Variants in RPTOR observed in about 807,000 individuals in gnomAD.
RPTOR encodes regulatory associated protein of MTOR complex 1, also known as regulatory-associated protein of mTOR.
In RPTOR, 21 loss-of-function variants were observed where a neutral mutation model predicts 169.9. That is an observed-to-expected ratio of 0.12 (90% CI 0.09 to 0.18). The LOEUF (loss-of-function observed/expected upper bound fraction) is 0.18, where lower values mean the gene tolerates loss of function less well. Ranked by LOEUF, RPTOR falls within the 10% of genes least tolerant of loss-of-function variation. The pLI, the probability that RPTOR is intolerant of heterozygous loss-of-function variation, is 1.00. For missense variants in RPTOR, 1,133 were observed against 1,855.9 expected (o/e 0.61, Z 7.16); for synonymous variants, 732 against 753.2 (o/e 0.97, Z 0.46).
In RPTOR at chr17:80,730,777, G is replaced by T; in HGVS notation, c.654+71G>T. 8.9e-7 allele frequency: 1 copy of T among 1,123,222 alleles called. No homozygotes were observed. Among genetic ancestry groups the T allele is most frequent in the East Asian group, 2.9e-5 (1 of 34,166 alleles). 69.6% of individuals were successfully genotyped at this position (1,123,222 alleles called of 1,614,324 possible). On this transcript the variant is annotated intron_variant, in intron 5 of 33. Coordinates refer to ENST00000306801, the MANE Select transcript of RPTOR (RefSeq NM_020761.3). This position sits in a 1 kb window ranked among gnomAD's most constrained non-coding sequence, Gnocchi z 4.2. ...TTTCCCTGGGGGTGGGGTTTGGGTG[G>T]GGAGGTTGGGAGGTGTTGGACATCC...
intron 1 of RPTOR, among the ~76,000 whole-genome samples, chr17:80,607,323 T>TA (rs1271803215): frequency 6.6e-6 from 1 of 152,218 alleles, no homozygotes; most frequent in Non-Finnish European, 1.5e-5. Context: ...GAAGGTAGTT[T>TA]TGGATCTAAA....
At position 80,726,477 on chromosome 17, in the gene RPTOR, T is replaced by G. The variant is rs534896544; in HGVS notation, c.508-4083T>G. Among the ~76,000 whole-genome samples the G allele has an allele frequency of 5.3e-5, 8 of 152,350 alleles. No homozygotes were observed. In the East Asian group the frequency reaches 1.5e-3, roughly 29 times the overall value. On this transcript the variant is annotated intron_variant, in intron 4 of 33. Coordinates refer to ENST00000306801, the MANE Select transcript of RPTOR (RefSeq NM_020761.3). This position sits in a 1 kb window ranked among gnomAD's most constrained non-coding sequence, Gnocchi z 4.5. ...TTCCTGAACTTTGCATCTCAGAATTTAAAATGGAGATTTTGATTTTGATTT... is the reference window on the plus strand; with the variant it reads ...TTCCTGAACTTTGCATCTCAGAATTGAAAATGGAGATTTTGATTTTGATTT...
chr17:80,839,679 G>A (rs2067605984), intron 10 of RPTOR, among the ~76,000 whole-genome samples: 1 of 152,242 alleles, frequency 6.6e-6, no homozygotes, highest in Non-Finnish European at 1.5e-5. Context: ...TTTCCGAAGA[G>A]CTCTGGGCCT....
intron 6 of RPTOR, among the ~76,000 whole-genome samples, chr17:80,786,656 GT>G (rs2066995264): frequency 6.6e-6 from 1 of 152,192 alleles, no homozygotes; most frequent in African/African-American, 2.4e-5. Context: ...ACCGCAGGGG[GT>G]CTGCCTTGCT....
intron 1 of RPTOR, among the ~76,000 whole-genome samples, chr17:80,597,945 G>C (rs528001686): frequency 4.4e-4 from 67 of 152,214 alleles, no homozygotes; most frequent in Non-Finnish European, 2.1e-4. Flanking sequence ...TTCAAGACCA[G>C]CCTGGGCCAC....
intron 8 of RPTOR, 47 bp downstream of exon 8, chr17:80,822,348 G>A (rs1305776119): frequency 6.4e-7 from 1 of 1,568,734 alleles, no homozygotes; most frequent in Admixed American, 1.7e-5. Flanking sequence ...GGCCTTGAGT[G>A]CGCGGGGAGC....
chr17:80,590,441 G>C (rs2065095705), intron 1 of RPTOR, among the ~76,000 whole-genome samples: 1 of 148,758 alleles, frequency 6.7e-6, no homozygotes. Context: ...TGTCTTTAAT[G>C]GTTGAGCCGT....
chr17:80,569,953 C>T (rs1235674412), intron 1 of RPTOR, among the ~76,000 whole-genome samples: 2 of 152,160 alleles, frequency 1.3e-5, no homozygotes, highest in Admixed American at 1.3e-4. Flanking sequence ...CTTTGCCTGG[C>T]CTCCTGGAGT....
At chr17:80,760,397 G>A (rs1482460715) in intron 6 of RPTOR, among the ~76,000 whole-genome samples, 2 of 147,872 alleles carry the variant, frequency 1.4e-5, no homozygotes, top group South Asian at 4.2e-4. Context: ...CACCTCCTCG[G>A]TTCAAGCGAT....
At chr17:80,747,673 A>C (rs551936274) in intron 5 of RPTOR, among the ~76,000 whole-genome samples, 1 of 152,334 alleles carries the variant, frequency 6.6e-6, no homozygotes, top group East Asian at 1.9e-4. Context: ...GGCACGGCAG[A>C]TGCAAACCCA....
chr17:80,753,527 G>A (rs8069007), intron 5 of RPTOR, among the ~76,000 whole-genome samples: 62,579 of 149,346 alleles, frequency 0.42, 13,594 homozygotes, highest in Non-Finnish European at 0.48. Flanking sequence ...CAGCTACTCG[G>A]GAGGCTGAGG....
At chr17:80,941,547 C>G (rs1275092159) in intron 25 of RPTOR, among the ~76,000 whole-genome samples, 1 of 152,252 alleles carries the variant, frequency 6.6e-6, no homozygotes, top group Non-Finnish European at 1.5e-5. Flanking sequence ...CTCGCGGCCA[C>G]AGGCTCCCAC....
chr17:80,881,310 G>A (rs76022256), intron 14 of RPTOR, among the ~76,000 whole-genome samples: 3,554 of 152,332 alleles, frequency 0.023, 155 homozygotes, highest in African/African-American at 0.081. Context: ...GTGTTGTATT[G>A]AAACATCACA....
intron 28 of RPTOR, among the ~76,000 whole-genome samples, chr17:80,955,388 C>G (rs1270302430): frequency 2.0e-5 from 3 of 152,206 alleles, no homozygotes; most frequent in Non-Finnish European, 2.9e-5. Flanking sequence ...GAAAAGGATG[C>G]AGTGATACCC....
rs1047280660 is a variant in RPTOR, at chr17:80,595,003, A to T, written c.163-30688A>T. Reference sequence around the variant, plus strand: ...GCCTGAGAGTCAGAGAGAGAGAGGGAGAAAGAGAATGGGGGCTAAGGGGAA... The same window carrying T: ...GCCTGAGAGTCAGAGAGAGAGAGGGTGAAAGAGAATGGGGGCTAAGGGGAA... On this transcript the variant is annotated intron_variant, in intron 1 of 33. Coordinates refer to ENST00000306801, the MANE Select transcript of RPTOR (RefSeq NM_020761.3). Among the ~76,000 whole-genome samples the T allele has an allele frequency of 2.0e-5, 3 of 151,940 alleles. No homozygotes were observed. In the South Asian group the frequency reaches 6.2e-4, roughly 32 times the overall value.
intron 25 of RPTOR, among the ~76,000 whole-genome samples, 165 bp downstream of exon 25, chr17:80,940,766 A>G (rs2069015599): frequency 6.6e-6 from 1 of 152,170 alleles, no homozygotes; most frequent in African/African-American, 2.4e-5. Context: ...AGATAAGCAC[A>G]TCAAGGCTGG....
chr17:80,614,353 T>G (rs2065293240), intron 1 of RPTOR, among the ~76,000 whole-genome samples: 1 of 152,184 alleles, frequency 6.6e-6, no homozygotes, highest in African/African-American at 2.4e-5. Flanking sequence ...ATTTATTTTC[T>G]AAAGAAAAAA....
In RPTOR at chr17:80,596,501, G is replaced by T. The variant is rs552633815; in HGVS notation, c.163-29190G>T. Among the ~76,000 whole-genome samples, 92 of 152,176 alleles carry T rather than the reference G, an allele frequency of 6.0e-4. 2 individuals carry two copies. In the South Asian group the frequency reaches 0.018, roughly 30 times the overall value. On this transcript the variant is annotated intron_variant, in intron 1 of 33. Transcript: ENST00000306801. Reference sequence around the variant, plus strand: ...GTGGGCATAGGTTGGGGTGTGCAGGGTTTATGGCTAATTATAGGATCATAT... The same window carrying T: ...GTGGGCATAGGTTGGGGTGTGCAGGTTTTATGGCTAATTATAGGATCATAT...
Position 80,726,700 on chromosome 17 carries a change from G to A in RPTOR, c.508-3860G>A, listed in dbSNP as rs952220300. ...TGTGAGGTGGCTGTAGGGTCAGGTG[G>A]CTGTAGGGTCAGGGCTGGGCAAGTT... On this transcript the variant is annotated intron_variant, in intron 4 of 33. Transcript: ENST00000306801. This position sits in a 1 kb window ranked among gnomAD's most constrained non-coding sequence, Gnocchi z 4.5. 6.6e-6 allele frequency among the ~76,000 whole-genome samples: 1 copy of A among 152,274 alleles called. No homozygotes were observed. Among genetic ancestry groups the A allele is most frequent in the Admixed American group, 6.5e-5 (1 of 15,304 alleles).
Sources: gnomAD v4.1 joint callset for allele counts (sites outside exome capture counted in the v4.1 genomes callset) on GRCh38, gnomAD v4.1.1 for gene constraint, Gnocchi (gnomAD v3.1) non-coding constraint, MANE v1.5 for transcripts, NCBI Gene and HGNC (gene_info 2026-07-23, HGNC 2026-07-21) for gene names.